The following CDH13 variants were observed in gnomAD, a reference collection of about 807,000 sequenced individuals.
The protein encoded by CDH13 is cadherin 13, also known as cadherin-13.
CDH13 carries 24 observed loss-of-function variants against 63.8 expected under a neutral mutation model. That is an observed-to-expected ratio of 0.38 (90% CI 0.27 to 0.53). The LOEUF (loss-of-function observed/expected upper bound fraction) is 0.53. Ranked by LOEUF, CDH13 falls within the 20% of genes least tolerant of loss-of-function variation. The pLI, the probability that CDH13 is intolerant of heterozygous loss-of-function variation, is 0.85. For synonymous variants in CDH13, 503 were observed against 355.3 expected (o/e 1.42, Z -4.67); for missense variants, 1,049 against 903.1 (o/e 1.16, Z -2.07).
intron 2 of CDH13, among the ~76,000 whole-genome samples, chr16:82,967,635 G>A (rs1180223391): frequency 6.6e-6 from 1 of 151,922 alleles, no homozygotes; most frequent in Non-Finnish European, 1.5e-5. Flanking sequence ...CAAGGCCACT[G>A]GAAAGCCAGG....
intron 7 of CDH13, among the ~76,000 whole-genome samples, chr16:83,493,151 C>G (rs1006994896): frequency 2.0e-5 from 3 of 152,264 alleles, no homozygotes; most frequent in African/African-American, 7.2e-5. Context: ...TAAGATGTGC[C>G]AAGTACTAGC....
At chr16:83,470,266 A>G (rs1299309517) in intron 6 of CDH13, among the ~76,000 whole-genome samples, 1 of 152,152 alleles carries the variant, frequency 6.6e-6, no homozygotes, top group East Asian at 1.9e-4. Flanking sequence ...CATGTTGCCC[A>G]GGCTAGTCTC....
chr16:83,106,446 C>T (rs2034769178), intron 3 of CDH13, among the ~76,000 whole-genome samples: 1 of 152,170 alleles, frequency 6.6e-6, no homozygotes, highest in Non-Finnish European at 1.5e-5. Flanking sequence ...GAGGCTGAGG[C>T]AGGAGAATAA....
intron 3 of CDH13, among the ~76,000 whole-genome samples, chr16:83,120,085 A>C (rs565953269): frequency 6.6e-6 from 1 of 151,750 alleles, no homozygotes; most frequent in Non-Finnish European, 1.5e-5. Flanking sequence ...GAGAGTCGAC[A>C]TGCACATGGT....
intron 8 of CDH13, among the ~76,000 whole-genome samples, chr16:83,617,306 T>C (rs1330333685): frequency 6.6e-6 from 1 of 152,204 alleles, no homozygotes; most frequent in East Asian, 1.9e-4. Context: ...TTCACTATTA[T>C]ATACAATGTT....
intron 2 of CDH13, among the ~76,000 whole-genome samples, chr16:82,924,361 A>C (rs2042242850): frequency 6.6e-6 from 1 of 152,202 alleles, no homozygotes; most frequent in Non-Finnish European, 1.5e-5. Context: ...ATAATGTTAA[A>C]ACAAAACAAG....
At chr16:83,545,006 G>C (rs1450576745) in intron 7 of CDH13, among the ~76,000 whole-genome samples, 1 of 152,186 alleles carries the variant, frequency 6.6e-6, no homozygotes, top group Non-Finnish European at 1.5e-5. Flanking sequence ...AAACTAACTA[G>C]AAGATTCCAT....
intron 3 of CDH13, among the ~76,000 whole-genome samples, chr16:83,107,879 G>C (rs1002894583): frequency 2.6e-5 from 4 of 151,840 alleles, no homozygotes; most frequent in Admixed American, 2.6e-4. Flanking sequence ...GAGTGCATTG[G>C]TGTGATCTCG....
At chr16:83,210,210 G>A (rs906221112) in intron 4 of CDH13, among the ~76,000 whole-genome samples, 9 of 151,912 alleles carry the variant, frequency 5.9e-5, no homozygotes, top group East Asian at 1.9e-4. Flanking sequence ...GACTATAGGC[G>A]CCTGCCACCA....
chr16:82,750,101 G>T (rs1001192762), intron 1 of CDH13, among the ~76,000 whole-genome samples: 2 of 152,184 alleles, frequency 1.3e-5, no homozygotes, highest in African/African-American at 4.8e-5. Flanking sequence ...ACATCTGTGT[G>T]TGATTCCTGG....
At chr16:82,653,534 A>T (rs1910969426) in intron 1 of CDH13, among the ~76,000 whole-genome samples, 1 of 152,204 alleles carries the variant, frequency 6.6e-6, no homozygotes, top group Non-Finnish European at 1.5e-5. Context: ...AGCCAGCAGC[A>T]GAAGAAAAGA....
intron 1 of CDH13, among the ~76,000 whole-genome samples, chr16:82,711,730 C>T (rs943435827): frequency 6.6e-6 from 1 of 152,180 alleles, no homozygotes; most frequent in African/African-American, 2.4e-5. Context: ...GCTGCTGAAA[C>T]ACTGGAACAC....
intron 2 of CDH13, among the ~76,000 whole-genome samples, chr16:82,904,436 C>T (rs1390444568): frequency 1.3e-5 from 2 of 152,196 alleles, no homozygotes; most frequent in Non-Finnish European, 2.9e-5. Flanking sequence ...AAGACACCCT[C>T]GTTGGTTCAC....
chr16:83,527,243 A>G lies in CDH13; in HGVS notation c.960+40588A>G, dbSNP rs148232366. ...GGCAGGCAGATCACGAGGTCGGGAG[A>G]TGGAGACCATCCTAGCCAACACGGT... On this transcript the variant is annotated intron_variant, in intron 7 of 13. Coordinates refer to ENST00000567109, the MANE Select transcript of CDH13 (RefSeq NM_001257.5). Among the ~76,000 whole-genome samples, 1,296 of 152,120 alleles carry G rather than the reference A, an allele frequency of 8.5e-3. 18 individuals are homozygous for G. Among genetic ancestry groups the G allele is most frequent in the African/African-American group, 0.029 (1,209 of 41,466 alleles).
intron 5 of CDH13, among the ~76,000 whole-genome samples, chr16:83,288,359 G>C (rs955341021): frequency 6.6e-6 from 1 of 152,190 alleles, no homozygotes; most frequent in Non-Finnish European, 1.5e-5. Context: ...GAGGTTAAAT[G>C]ACTAGCCCAA....
intron 6 of CDH13, among the ~76,000 whole-genome samples, chr16:83,452,441 T>A (rs1244512917): frequency 6.6e-6 from 1 of 152,192 alleles, no homozygotes; most frequent in African/African-American, 2.4e-5. Context: ...GTTCAGGCAA[T>A]GAGAGCTTTG....
chr16:83,360,764 C>T (rs1044768226), intron 6 of CDH13, among the ~76,000 whole-genome samples: 5 of 152,122 alleles, frequency 3.3e-5, no homozygotes, highest in African/African-American at 1.2e-4. Context: ...CAGCTGTATC[C>T]ATGTTGCTAC....
At chr16:83,254,878 T>A (rs945653396) in intron 5 of CDH13, among the ~76,000 whole-genome samples, 21 of 152,156 alleles carry the variant, frequency 1.4e-4, no homozygotes, top group African/African-American at 5.1e-4. Flanking sequence ...CTAGGGGAAA[T>A]GCTAGATGAG....
In CDH13 at chr16:82,804,276, T is replaced by TACACACACAC. The variant is rs140828245; in HGVS notation, c.46-54059_46-54050dup. On this transcript the variant is annotated intron_variant, in intron 1 of 13. Transcript: ENST00000567109. ...TAGATCTCAGGTTAGGGGATCTTGC[T>TACACACACAC]ACACACACACACACACACACACACA... is the stretch of plus-strand genomic sequence containing the variant. Among the ~76,000 whole-genome samples, 1,211 of 135,076 alleles carry TACACACACAC rather than the reference T, an allele frequency of 9.0e-3. 23 individuals carry two copies. The highest frequency in any genetic ancestry group is 0.034 in the African/African-American group (1,143 of 33,466). 88.6% of individuals were successfully genotyped at this position (135,076 alleles called of 152,430 possible).
Sources: allele counts gnomAD v4.1 joint callset (sites outside exome capture counted in the v4.1 genomes callset), GRCh38; gene constraint gnomAD v4.1.1; transcripts MANE v1.5; gene names NCBI Gene and HGNC (gene_info 2026-07-23, HGNC 2026-07-21).